CLEC16A: variants seen among roughly 807,000 people sequenced by gnomAD.
CLEC16A encodes the protein C-type lectin domain containing 16A, also known as protein CLEC16A.
CLEC16A carries 51 observed loss-of-function variants against 109.5 expected under a neutral mutation model. The ratio of observed to expected loss-of-function variants is 0.47; its 90% confidence interval spans 0.37 to 0.59. CLEC16A has a LOEUF of 0.59. Among genes scored for constraint, CLEC16A ranks in the 20% least tolerant of loss-of-function variants. The pLI is 0.00. For synonymous variants in CLEC16A, 673 were observed against 564.2 expected (o/e 1.19, Z -2.73); for missense variants, 1,339 against 1,394.0 (o/e 0.96, Z 0.63).
At chr16:11,139,665 G>T (rs1380626874) in intron 22 of CLEC16A, among the ~76,000 whole-genome samples, 1 of 152,230 alleles carries the variant, frequency 6.6e-6, no homozygotes, top group East Asian at 1.9e-4. Context: ...GTCCTTGAAA[G>T]TCGCCGCCTC....
chr16:10,948,953 G>C (rs1296611512), intron 1 of CLEC16A, among the ~76,000 whole-genome samples: 1 of 152,172 alleles, frequency 6.6e-6, no homozygotes, highest in Non-Finnish European at 1.5e-5. Flanking sequence ...GGACCAGCAA[G>C]GTCTCATGCC....
At chr16:10,986,132 G>A (rs1369544532) in intron 10 of CLEC16A, among the ~76,000 whole-genome samples, 1 of 138,200 alleles carries the variant, frequency 7.2e-6, no homozygotes, top group Non-Finnish European at 1.5e-5. Flanking sequence ...CCGGGTTCAC[G>A]CCATTCTCCT....
At chr16:11,144,823 G>A (rs1370311749) in intron 22 of CLEC16A, among the ~76,000 whole-genome samples, 1 of 152,132 alleles carries the variant, frequency 6.6e-6, no homozygotes, top group African/African-American at 2.4e-5. Context: ...TGTGCGCTGG[G>A]GCCAGTTTCA....
intron 1 of CLEC16A, among the ~76,000 whole-genome samples, chr16:10,956,255 A>T (rs888181673): frequency 1.3e-5 from 2 of 152,242 alleles, no homozygotes; most frequent in African/African-American, 2.4e-5. Context: ...TGATTATACT[A>T]GGTCTTTAAA....
chr16:11,094,968 C>G (rs765002977), intron 19 of CLEC16A, among the ~76,000 whole-genome samples: 1 of 152,208 alleles, frequency 6.6e-6, no homozygotes. Flanking sequence ...TGGGCTCCCT[C>G]AGTACCTGTG....
intron 19 of CLEC16A, among the ~76,000 whole-genome samples, chr16:11,105,242 G>T (rs1597395690): frequency 6.6e-6 from 1 of 152,176 alleles, no homozygotes; most frequent in African/African-American, 2.4e-5. Flanking sequence ...CACTTGATAA[G>T]GGGATATGCC....
intron 22 of CLEC16A, chr16:11,156,798 C>A: frequency 1.7e-6 from 1 of 589,908 alleles, no homozygotes; most frequent in Non-Finnish European, 2.8e-6. Flanking sequence ...TGCACCACTG[C>A]GAGAGATTCC....
intron 19 of CLEC16A, among the ~76,000 whole-genome samples, chr16:11,109,424 G>C (rs1048882478): frequency 3.9e-5 from 6 of 152,144 alleles, no homozygotes; most frequent in Non-Finnish European, 5.9e-5. Flanking sequence ...AAAGTAATGG[G>C]ATTACAGGTA....
intron 19 of CLEC16A, among the ~76,000 whole-genome samples, chr16:11,089,622 G>T (rs894608463): frequency 6.6e-6 from 1 of 152,198 alleles, no homozygotes; most frequent in Non-Finnish European, 1.5e-5. Flanking sequence ...ATCTGTGCCA[G>T]CATGACGAGC....
At chr16:10,985,740 G>C (rs2043604229) in intron 10 of CLEC16A, among the ~76,000 whole-genome samples, 2 of 151,922 alleles carry the variant, frequency 1.3e-5, no homozygotes, top group South Asian at 4.1e-4. Context: ...TATTTATTTT[G>C]AGATGGAGTC....
intron 15 of CLEC16A, among the ~76,000 whole-genome samples, chr16:11,043,452 A>G (rs1028901967): frequency 2.6e-5 from 4 of 152,054 alleles, no homozygotes; most frequent in Admixed American, 2.0e-4. Flanking sequence ...ATATTTTATA[A>G]CCCATTTTCC....
chr16:10,981,842 T>G (rs374643498), intron 9 of CLEC16A, among the ~76,000 whole-genome samples: 61 of 152,322 alleles, frequency 4.0e-4, no homozygotes, highest in African/African-American at 1.5e-3. Context: ...ATTTTGCCCC[T>G]CAGGGGATAC....
At chr16:11,163,322 C>G (rs1274130000) in intron 22 of CLEC16A, among the ~76,000 whole-genome samples, 1 of 152,132 alleles carries the variant, frequency 6.6e-6, no homozygotes, top group Non-Finnish European at 1.5e-5. Flanking sequence ...AAAAAAAAAG[C>G]CAAAAGTCAC....
intron 19 of CLEC16A, among the ~76,000 whole-genome samples, chr16:11,077,650 C>T (rs1200148514): frequency 6.6e-6 from 1 of 151,890 alleles, no homozygotes; most frequent in Admixed American, 6.6e-5. Flanking sequence ...CAACGTGAGA[C>T]CCTGTCAAAA....
intron 1 of CLEC16A, among the ~76,000 whole-genome samples, chr16:10,952,194 G>A (rs577897460): frequency 6.6e-6 from 1 of 152,294 alleles, no homozygotes; most frequent in South Asian, 2.1e-4. Flanking sequence ...TTTATAATCA[G>A]AAGGTTTTAT....
rs1328118720 is a variant in CLEC16A, at chr16:11,112,757, A to G, written c.2117-7858A>G. Among the ~76,000 whole-genome samples the G allele has an allele frequency of 9.2e-5, 14 of 152,206 alleles. 1 individual carries two copies. The highest frequency in any genetic ancestry group is 9.2e-4 in the Admixed American group (14 of 15,282). The stretch of plus-strand genomic sequence containing the variant: ...AAAATAAAAGGTAGTGCCTGGGAGT[A>G]GGAGGGCTATGTCACCTTTCCTTGG... On this transcript the variant is annotated intron_variant, in intron 19 of 23. Transcript: ENST00000409790.
intron 18 of CLEC16A, among the ~76,000 whole-genome samples, chr16:11,051,906 C>T (rs1347195926): frequency 6.6e-6 from 1 of 152,214 alleles, no homozygotes; most frequent in Non-Finnish European, 1.5e-5. Flanking sequence ...GACAGACAAG[C>T]CCTGAGCTCA....
At chr16:11,076,041 C>T (rs1200384458) in intron 19 of CLEC16A, among the ~76,000 whole-genome samples, 1 of 151,798 alleles carries the variant, frequency 6.6e-6, no homozygotes, top group African/African-American at 2.4e-5. Context: ...AACCCAGCTC[C>T]GTCTCACTGC....
Position 11,137,392 on chromosome 16 carries a change from C to G in CLEC16A, c.2641+11246C>G, listed in dbSNP as rs576481884. 2.0e-3 allele frequency among the ~76,000 whole-genome samples: 305 copies of G among 151,990 alleles called. 2 individuals are homozygous for G. Among genetic ancestry groups the G allele is most frequent in the African/African-American group, 7.0e-3 (292 of 41,434 alleles). ...TGCCTTAAAATCTCTCTGACTAGCT[C>G]AAAGACAATCCCCTGGAACAAGGTT... is the stretch of plus-strand genomic sequence containing the variant. On this transcript the variant is annotated intron_variant, in intron 22 of 23. Transcript: ENST00000409790.
Sources: allele counts gnomAD v4.1 joint callset (sites outside exome capture counted in the v4.1 genomes callset), GRCh38; gene constraint gnomAD v4.1.1; transcripts MANE v1.5; gene names NCBI Gene and HGNC (gene_info 2026-07-23, HGNC 2026-07-21).